ACOX3: variants seen among roughly 807,000 people sequenced by gnomAD.
ACOX3 encodes acyl-CoA oxidase 3, pristanoyl.
In ACOX3, 73 loss-of-function variants were observed where a neutral mutation model predicts 81.5. That is an observed-to-expected ratio of 0.90 (90% CI 0.74 to 1.09). The LOEUF (loss-of-function observed/expected upper bound fraction) is 1.09, where lower values mean the gene tolerates loss of function less well. Ranked by LOEUF, ACOX3 falls within the 50% of genes least tolerant of loss-of-function variation. The pLI is 0.00. For missense variants in ACOX3, 947 were observed against 928.0 expected, an observed-to-expected ratio of 1.02 and a Z score of -0.27; for synonymous variants, 387 against 375.1, an observed-to-expected ratio of 1.03 and a Z score of -0.37.
At chr4:8,408,267 A>C (rs1721240810) in intron 6 of ACOX3, among the ~76,000 whole-genome samples, 2 of 151,678 alleles carry the variant, frequency 1.3e-5, no homozygotes, top group Non-Finnish European at 2.9e-5. Context: ...CACAAAAAAA[A>C]AAAAAAGAAA....
In ACOX3 at chr4:8,423,658, C is replaced by T. The variant is rs1179800017; in HGVS notation, c.-14-7123G>A. ...TGTTGTTCCTCTATACCCAGCTGTA[C>T]CTAATCTTATACTCACTCTGCTTTC... On this transcript the variant is annotated intron_variant, in intron 1 of 17. Coordinates refer to ENST00000356406, the MANE Select transcript of ACOX3 (RefSeq NM_003501.3). This position sits in a 1 kb window ranked among gnomAD's most constrained non-coding sequence, Gnocchi z 4.2. Among the ~76,000 whole-genome samples, 1 of 152,156 alleles carries T rather than the reference C, an allele frequency of 6.6e-6. No homozygotes were observed. The highest frequency in any genetic ancestry group is 2.4e-5 in the African/African-American group (1 of 41,430).
intron 10 of ACOX3, 53 bp from the exon 11 acceptor site, chr4:8,392,506 A>G (rs1298625798): frequency 3.0e-5 from 44 of 1,472,574 alleles, no homozygotes; most frequent in Non-Finnish European, 3.9e-5. Context: ...TTAGACACCA[A>G]AAAGTCATAA....
rs1450749632 is a variant in ACOX3 at position 8,385,468 on chromosome 4, C to T, written c.1537+3705G>A. Among the ~76,000 whole-genome samples the T allele has an allele frequency of 3.9e-5, 6 of 152,342 alleles. No individual in the cohort carries two copies. The highest frequency in any genetic ancestry group is 1.9e-4 in the East Asian group (1 of 5,192). ...TGCAGTCCACAAATACACACGTGTC[C>T]GAGTAGTGAACACTGCAACTGCTTA... On this transcript the variant is annotated intron_variant, in intron 13 of 17. Transcript: ENST00000356406. This position sits in a 1 kb window ranked among gnomAD's most constrained non-coding sequence, Gnocchi z 5.5.
At chr4:8,411,177 A>G (rs1325160881) in intron 5 of ACOX3, among the ~76,000 whole-genome samples, 2 of 152,218 alleles carry the variant, frequency 1.3e-5, no homozygotes, top group Non-Finnish European at 2.9e-5. Context: ...CTTCAGGCAG[A>G]CAGCCCGCAG....
chr4:8,366,952 C>A lies in ACOX3; in HGVS notation c.*9G>T. The A allele has an allele frequency of 6.2e-7, 1 of 1,613,308 alleles. No individual in the cohort carries two copies. The highest frequency in any genetic ancestry group is 8.5e-7 in the Non-Finnish European group (1 of 1,179,552). The stretch of plus-strand genomic sequence containing the variant: ...TTCATTAGACTTGGCTGAATGTGTG[C>A]CAGTCCCACTAGAGCTTCGATTTCA... On this transcript the variant is annotated 3_prime_UTR_variant, in exon 18 of 18. Transcript: ENST00000356406.
intron 1 of ACOX3, chr4:8,436,331 G>A (rs1480837111): frequency 6.6e-6 from 1 of 152,136 alleles, no homozygotes; most frequent in African/African-American, 2.4e-5. Flanking sequence ...AGGATATGCA[G>A]TGATAACCCT....
chr4:8,359,648 T>C, the ACOX3 span, among the ~76,000 whole-genome samples: 5 of 152,128 alleles, frequency 3.3e-5, no homozygotes, highest in East Asian at 1.9e-4. This position sits in a 1 kb window ranked among gnomAD's most constrained non-coding sequence, Gnocchi z 6.0. Flanking sequence ...ACGGGGAAAC[T>C]TGGGAGCTGA....
intron 1 of ACOX3, among the ~76,000 whole-genome samples, chr4:8,417,533 T>A (rs2108991256): frequency 1.3e-5 from 2 of 152,358 alleles, no homozygotes; most frequent in Middle Eastern, 6.8e-3. Context: ...GAGGCTGTGT[T>A]TCCCAAACCC....
Position 8,419,600 on chromosome 4 carries a change from C to T in ACOX3, c.-14-3065G>A, listed in dbSNP as rs371757223. Reference sequence around the variant, plus strand: ...CAAGTGATTAAACATGGAGTGACCACATGACTCAGCAATTCCACTCTGAGG... The same window carrying T: ...CAAGTGATTAAACATGGAGTGACCATATGACTCAGCAATTCCACTCTGAGG... On this transcript the variant is annotated intron_variant, in intron 1 of 17. Coordinates refer to ENST00000356406, the MANE Select transcript of ACOX3 (RefSeq NM_003501.3). This position sits in a 1 kb window ranked among gnomAD's most constrained non-coding sequence, Gnocchi z 4.2. 6.6e-6 allele frequency among the ~76,000 whole-genome samples: 1 copy of T among 152,132 alleles called. No homozygotes were observed. Among genetic ancestry groups the T allele is most frequent in the South Asian group, 2.1e-4 (1 of 4,824 alleles).
At chr4:8,395,832 C>A (rs4696689) in intron 9 of ACOX3, among the ~76,000 whole-genome samples, 152,255 of 152,374 alleles carry the variant, frequency 1, 76,069 homozygotes, top group Non-Finnish European at 1. Flanking sequence ...AGGATGTGGA[C>A]AGAAACAACT....
In ACOX3 at chr4:8,377,905, C is replaced by T. The variant is rs9986108; in HGVS notation, c.1654-2753G>A. On this transcript the variant is annotated intron_variant, in intron 14 of 17. Coordinates refer to ENST00000356406, the MANE Select transcript of ACOX3 (RefSeq NM_003501.3). ...GGCGCACTCCAGCCGAGAGTGCTCA[C>T]GGCACCCAGACACATCCGGGAGCCC... Among the ~76,000 whole-genome samples, 1,004 of 152,250 alleles carry T rather than the reference C, an allele frequency of 6.6e-3. 19 individuals are homozygous for T. Among genetic ancestry groups the T allele is most frequent in the African/African-American group, 0.023 (949 of 41,542 alleles).
chr4:8,380,189 CTT>C (rs11388749), intron 14 of ACOX3, among the ~76,000 whole-genome samples: 39 of 125,794 alleles, frequency 3.1e-4, no homozygotes, highest in Non-Finnish European at 2.4e-4. Flanking sequence ...ATATGGGTTC[CTT>C]TTTTTTTTTT....
At chr4:8,422,871 T>C (rs1723096850) in intron 1 of ACOX3, among the ~76,000 whole-genome samples, 1 of 152,190 alleles carries the variant, frequency 6.6e-6, no homozygotes, top group African/African-American at 2.4e-5. Context: ...AAAGATTGTC[T>C]GAATAGAAAT....
chr4:8,358,296 C>G, the ACOX3 span: 5 of 152,314 alleles, frequency 3.3e-5, no homozygotes, highest in African/African-American at 1.2e-4. Flanking sequence ...ACATGCACAT[C>G]TATTCTCTCT....
intron 10 of ACOX3, 30 bp from the exon 11 acceptor site, chr4:8,392,483 G>A (rs1219893017): frequency 6.6e-7 from 1 of 1,514,566 alleles, no homozygotes; most frequent in East Asian, 2.4e-5. Context: ...ACAAGAACAG[G>A]TGAAAAGAGA....
chr4:8,414,307 G>A lies in ACOX3; in HGVS notation c.528C>T (p.Tyr176=), dbSNP rs781297229. The change falls in exon 5 of 18, where the codon TAC becomes TAT. Residue 176 remains tyrosine, a synonymous_variant. Transcript: ENST00000356406. This position sits in a 1 kb window ranked among gnomAD's most constrained non-coding sequence, Gnocchi z 6.1. ...NTKAIRTTAH[Y]DPATEEFIIH... is the part of the protein sequence containing the mutation. ...TAATACCTACCTCAGTGGCAGGATC[G>A]TAGTGGGCAGTTGTGCGAATGGCCT... 3.1e-5 allele frequency: 50 copies of A among 1,613,842 alleles called. No individual in the cohort carries two copies. Among genetic ancestry groups the A allele is most frequent in the Admixed American group, 1.0e-4 (6 of 60,000 alleles).
chr4:8,402,491 C>A (rs1720476236), intron 7 of ACOX3, among the ~76,000 whole-genome samples: 1 of 152,238 alleles, frequency 6.6e-6, no homozygotes, highest in South Asian at 2.1e-4. Context: ...CCAGTATGAT[C>A]CGGTCACAGT....
rs916464792 is a variant in ACOX3, at chr4:8,402,005, G to A, written c.777-2353C>T. 5.9e-5 allele frequency among the ~76,000 whole-genome samples: 9 copies of A among 152,346 alleles called. No homozygotes were observed. In the East Asian group the frequency reaches 1.4e-3, roughly 23 times the overall value. Reference sequence around the variant, plus strand: ...TCCCGGGGCTCACCCCCCTCCATGAGGGGGCCACCGTGCATGGGGCCTGCC... The same window carrying A: ...TCCCGGGGCTCACCCCCCTCCATGAAGGGGCCACCGTGCATGGGGCCTGCC... On this transcript the variant is annotated intron_variant, in intron 7 of 17. Transcript: ENST00000356406.
At chr4:8,379,253 T>C (rs1717344425) in intron 14 of ACOX3, among the ~76,000 whole-genome samples, 2 of 152,246 alleles carry the variant, frequency 1.3e-5, no homozygotes, top group Non-Finnish European at 1.5e-5. Context: ...GTATGCCGTA[T>C]TGCAGGGGAA....
Sources: gnomAD v4.1 joint callset for allele counts (sites outside exome capture counted in the v4.1 genomes callset) on GRCh38, gnomAD v4.1.1 for gene constraint, Gnocchi (gnomAD v3.1) non-coding constraint, MANE v1.5 for transcripts, NCBI Gene and HGNC (gene_info 2026-07-23, HGNC 2026-07-21) for gene names.